Variants in ARID1B observed in about 807,000 individuals in gnomAD.
ARID1B encodes AT-rich interactive domain-containing protein 1B.
Under a neutral mutation model 212.3 loss-of-function variants are expected in ARID1B, and 30 were observed. That is an observed-to-expected ratio of 0.14 (90% confidence interval 0.11 to 0.19). The LOEUF is 0.19. ARID1B is among the 10% of genes least tolerant of loss of function. ARID1B has a pLI of 1.00. For missense variants in ARID1B, 2,891 were observed against 3,204.0 expected, an observed-to-expected ratio of 0.90 and a Z score of 2.36; for synonymous variants, 1,402 against 1,301.7, an observed-to-expected ratio of 1.08 and a Z score of -1.66.
chr6:156,790,260 C>T (rs531289978), intron 1 of ARID1B, among the ~76,000 whole-genome samples: 2 of 152,124 alleles, frequency 1.3e-5, no homozygotes, highest in African/African-American at 4.8e-5. Flanking sequence ...CATTTAGTGA[C>T]GTTGGTGTAG....
intron 4 of ARID1B, among the ~76,000 whole-genome samples, chr6:156,956,466 C>T (rs1793988653): frequency 6.6e-6 from 1 of 152,140 alleles, no homozygotes; most frequent in Non-Finnish European, 1.5e-5. Flanking sequence ...AAATAGTCCT[C>T]TGGAGGTGGC....
At chr6:156,874,178 C>CCT (rs1786363908) in intron 2 of ARID1B, among the ~76,000 whole-genome samples, 1 of 152,164 alleles carries the variant, frequency 6.6e-6, no homozygotes, top group African/African-American at 2.4e-5. Flanking sequence ...CTCATTCCTG[C>CCT]CTCAGCCTTT....
intron 2 of ARID1B, among the ~76,000 whole-genome samples, chr6:156,893,355 A>T (rs6915008): frequency 0.039 from 5,985 of 152,290 alleles, 368 homozygotes; most frequent in African/African-American, 0.14. Flanking sequence ...ACAGAGGAAA[A>T]GTTTGGCACT....
chr6:156,890,471 A>G (rs183065300), intron 2 of ARID1B, among the ~76,000 whole-genome samples: 2 of 152,318 alleles, frequency 1.3e-5, no homozygotes, highest in Admixed American at 1.3e-4. Context: ...TTTTTTTTAA[A>G]TTTCTAAGCT....
intron 15 of ARID1B, chr6:157,194,884 T>C (rs9397999): frequency 0.58 from 87,802 of 151,974 alleles, 27,451 homozygotes; most frequent in African/African-American, 0.83. Flanking sequence ...CCTCAAGAGG[T>C]TGAGGAAGGC....
intron 13 of ARID1B, 22 bp from the exon 14 acceptor site, chr6:157,189,620 C>G (rs770700355): frequency 6.3e-7 from 1 of 1,584,230 alleles, no homozygotes; most frequent in Admixed American, 2.0e-5. Context: ...CTTCCTGTTT[C>G]TCTTGGTGCT....
At position 157,202,778 on chromosome 6, in the gene ARID1B, A is replaced by ATG. The variant is rs557194412; in HGVS notation, c.5264-1076_5264-1075dup. Among the ~76,000 whole-genome samples, 995 of 150,312 alleles carry ATG rather than the reference A, an allele frequency of 6.6e-3. 3 individuals carry two copies. Among genetic ancestry groups the ATG allele is most frequent in the Non-Finnish European group, 0.011 (738 of 67,634 alleles). ...ATAGATATATAGATATATATAGAATATGTGTGTGTGTGTATTTATATGGGG... is the reference window on the plus strand; with the variant it reads ...ATAGATATATAGATATATATAGAATATGTGTGTGTGTGTGTATTTATATGGGG... On this transcript the variant is annotated intron_variant, in intron 18 of 19. Coordinates refer to ENST00000636930, the MANE Select transcript of ARID1B (RefSeq NM_001374828.1).
At chr6:156,850,131 T>G (rs564415420) in intron 2 of ARID1B, among the ~76,000 whole-genome samples, 2 of 151,416 alleles carry the variant, frequency 1.3e-5, no homozygotes. Flanking sequence ...AGAAGAGAAC[T>G]GGACCAATTG....
At chr6:157,199,338 A>C (rs1030583345) in intron 17 of ARID1B, among the ~76,000 whole-genome samples, 1 of 152,098 alleles carries the variant, frequency 6.6e-6, no homozygotes, top group African/African-American at 2.4e-5. Flanking sequence ...CTTATTTAAA[A>C]ATGAGATAAG....
intron 2 of ARID1B, among the ~76,000 whole-genome samples, chr6:156,849,902 T>G (rs1784472440): frequency 6.6e-6 from 1 of 151,748 alleles, no homozygotes; most frequent in Admixed American, 6.6e-5. Context: ...TGAAAGCACC[T>G]TTTTGACACC....
At chr6:156,996,546 G>GT (rs1321707100) in intron 4 of ARID1B, among the ~76,000 whole-genome samples, 5 of 152,150 alleles carry the variant, frequency 3.3e-5, no homozygotes, top group Non-Finnish European at 7.3e-5. Flanking sequence ...TCAATGCATT[G>GT]TTATGGAAAC....
chr6:157,037,888 G>C, intron 4 of ARID1B, among the ~76,000 whole-genome samples: 1 of 152,186 alleles, frequency 6.6e-6, no homozygotes, highest in East Asian at 1.9e-4. Flanking sequence ...TGCAGAGTAG[G>C]AAAAGAGGAG....
At chr6:156,959,518 G>A (rs193089479) in intron 4 of ARID1B, among the ~76,000 whole-genome samples, 138 of 152,180 alleles carry the variant, frequency 9.1e-4, no homozygotes, top group African/African-American at 3.3e-3. Flanking sequence ...TGTTCAAAAC[G>A]TCTTGCTTAA....
At chr6:157,124,009 C>G (rs79329344) in intron 6 of ARID1B, among the ~76,000 whole-genome samples, 3 of 152,248 alleles carry the variant, frequency 2.0e-5, no homozygotes, top group Non-Finnish European at 4.4e-5. Context: ...GTGGATGCGT[C>G]TGATAGACAT....
chr6:157,166,451 T>G (rs1308317766), intron 8 of ARID1B: 2 of 152,170 alleles, frequency 1.3e-5, no homozygotes, highest in Non-Finnish European at 2.9e-5. Flanking sequence ...CAACAAGAAG[T>G]GGAAGTCTGA....
At chr6:156,943,558 TG>T (rs1287825975) in intron 4 of ARID1B, 1 of 152,162 alleles carries the variant, frequency 6.6e-6, no homozygotes, top group Non-Finnish European at 1.5e-5. Flanking sequence ...TAGATCATGG[TG>T]TGCACATCTT....
chr6:156,956,021 G>A (rs1793953368), intron 4 of ARID1B, among the ~76,000 whole-genome samples: 1 of 152,118 alleles, frequency 6.6e-6, no homozygotes, highest in Non-Finnish European at 1.5e-5. Context: ...CAGGACTGCT[G>A]GGTTCTGGAC....
intron 7 of ARID1B, among the ~76,000 whole-genome samples, chr6:157,141,475 A>G (rs1221773478): frequency 6.6e-6 from 1 of 152,196 alleles, no homozygotes; most frequent in Non-Finnish European, 1.5e-5. Flanking sequence ...TATTCCCACA[A>G]ATAGGATTTA....
At chr6:157,187,098 T>C (rs534160213) in intron 13 of ARID1B, among the ~76,000 whole-genome samples, 1 of 152,280 alleles carries the variant, frequency 6.6e-6, no homozygotes, top group East Asian at 1.9e-4. Flanking sequence ...GGGGTGTGGT[T>C]TGTGTCTTTA....
Sources: gnomAD v4.1 joint callset for allele counts (sites outside exome capture counted in the v4.1 genomes callset) on GRCh38, gnomAD v4.1.1 for gene constraint, MANE v1.5 for transcripts, NCBI Gene and HGNC (gene_info 2026-07-23, HGNC 2026-07-21) for gene names.